The following NTM variants were observed in gnomAD, a reference collection of about 807,000 sequenced individuals.
NTM encodes the protein IgLON family member 2.
A neutral mutation model predicts 42.1 loss-of-function variants in NTM; 13 were observed. The ratio of observed to expected loss-of-function variants is 0.31; its 90% CI spans 0.20 to 0.49. NTM has a LOEUF of 0.49. Among genes scored for constraint, NTM ranks in the 20% least tolerant of loss-of-function variants. NTM has a pLI of 0.99. For synonymous variants in NTM, 187 were observed against 179.2 expected (o/e 1.04, Z -0.35); for missense variants, 373 against 452.8 (o/e 0.82, Z 1.60).
At chr11:132,305,080 G>T (rs190476331) in intron 4 of NTM, among the ~76,000 whole-genome samples, 3 of 152,330 alleles carry the variant, frequency 2.0e-5, no homozygotes, top group Admixed American at 2.0e-4. Context: ...GAAAACTGAT[G>T]AGTTCTCGAT....
chr11:131,672,125 C>T (rs754071834), intron 1 of NTM, among the ~76,000 whole-genome samples: 17 of 152,336 alleles, frequency 1.1e-4, no homozygotes, highest in Middle Eastern at 3.4e-3. Flanking sequence ...ACCATGGGTC[C>T]GGGAGGACCG....
chr11:132,006,481 A>C (rs879839273), intron 2 of NTM, among the ~76,000 whole-genome samples: 1 of 152,230 alleles, frequency 6.6e-6, no homozygotes, highest in Admixed American at 6.5e-5. Flanking sequence ...AAATAGATTA[A>C]AGGCTTTATT....
chr11:132,098,834 A>C (rs2061327173), intron 2 of NTM, among the ~76,000 whole-genome samples: 2 of 152,236 alleles, frequency 1.3e-5, no homozygotes, highest in Admixed American at 1.3e-4. Context: ...TTGGCCAGGC[A>C]CCCTTGTGCA....
intron 2 of NTM, among the ~76,000 whole-genome samples, chr11:132,069,869 G>A (rs1169349813): frequency 2.8e-5 from 4 of 144,990 alleles, no homozygotes; most frequent in African/African-American, 5.2e-5. Flanking sequence ...AAGTTAACAC[G>A]TCACACTGAC....
At chr11:131,881,560 A>G (rs1264550626) in intron 1 of NTM, among the ~76,000 whole-genome samples, 1 of 152,032 alleles carries the variant, frequency 6.6e-6, no homozygotes, top group African/African-American at 2.4e-5. Flanking sequence ...GGACACCAGC[A>G]TGCAAAACAC....
At chr11:132,196,474 A>G (rs1376267826) in intron 3 of NTM, among the ~76,000 whole-genome samples, 2 of 147,946 alleles carry the variant, frequency 1.4e-5, no homozygotes, top group Non-Finnish European at 3.0e-5. Flanking sequence ...TTGTCCCACT[A>G]AAAAAAAAAT....
intron 2 of NTM, among the ~76,000 whole-genome samples, chr11:131,994,950 T>C (rs1383527365): frequency 6.6e-6 from 1 of 152,216 alleles, no homozygotes; most frequent in Non-Finnish European, 1.5e-5. Context: ...CCTCATTGTT[T>C]GCAGTTTATT....
At chr11:131,654,583 T>G (rs1395736468) in intron 1 of NTM, among the ~76,000 whole-genome samples, 1 of 152,166 alleles carries the variant, frequency 6.6e-6, no homozygotes, top group East Asian at 1.9e-4. Flanking sequence ...CCCCCAAGGT[T>G]GGAGGTGAGG....
At chr11:131,614,276 G>A (rs1223807648) in intron 1 of NTM, among the ~76,000 whole-genome samples, 1 of 152,218 alleles carries the variant, frequency 6.6e-6, no homozygotes, top group African/African-American at 2.4e-5. Context: ...TGTGACCTGA[G>A]GAGGGAAGTG....
At chr11:132,136,623 T>C (rs1245412135) in intron 2 of NTM, among the ~76,000 whole-genome samples, 3 of 152,200 alleles carry the variant, frequency 2.0e-5, no homozygotes, top group Non-Finnish European at 4.4e-5. Flanking sequence ...TGCTGCCCAG[T>C]TCGCACACAT....
chr11:131,524,693 T>C (rs392041), intron 1 of NTM, among the ~76,000 whole-genome samples: 27,088 of 152,164 alleles, frequency 0.18, 2,467 homozygotes, highest in Middle Eastern at 0.23. Context: ...TGAGACGTAA[T>C]TTAGCAAATA....
chr11:131,547,676 T>C lies in NTM; in HGVS notation c.82+176788T>C, dbSNP rs1216667647. Among the ~76,000 whole-genome samples the C allele has an allele frequency of 3.3e-5, 5 of 152,294 alleles. No homozygotes were observed. The East Asian group carries it at 9.7e-4, about 29-fold the overall frequency. On this transcript the variant is annotated intron_variant, in intron 1 of 8. Coordinates refer to ENST00000683400, the MANE Select transcript of NTM (RefSeq NM_001352005.2). ...TGTTGGTATGAAGCCTTTTGAGATG[T>C]AAGATGGAGTTCTTTTCTAAGATGG... is the stretch of plus-strand genomic sequence containing the variant.
chr11:131,410,230 G>A (rs1946229356), intron 1 of NTM, among the ~76,000 whole-genome samples: 1 of 152,066 alleles, frequency 6.6e-6, no homozygotes. Context: ...GCTCACACCT[G>A]TATTCTCCGA....
At chr11:131,782,369 C>CAA (rs141768002) in intron 1 of NTM, among the ~76,000 whole-genome samples, 1 of 143,432 alleles carries the variant, frequency 7.0e-6, no homozygotes, top group African/African-American at 2.5e-5. Context: ...AATGTTTCCA[C>CAA]AAAAAAAAAC....
At chr11:131,810,203 C>T (rs1205669183) in intron 1 of NTM, among the ~76,000 whole-genome samples, 1 of 152,176 alleles carries the variant, frequency 6.6e-6, no homozygotes, top group East Asian at 1.9e-4. Context: ...TCCTACCTTT[C>T]TCCTCCACCT....
intron 2 of NTM, among the ~76,000 whole-genome samples, chr11:131,939,474 T>C (rs1343631989): frequency 6.6e-6 from 1 of 151,966 alleles, no homozygotes; most frequent in East Asian, 1.9e-4. Context: ...AAATAATTGG[T>C]GTGTGTGTGC....
intron 1 of NTM, among the ~76,000 whole-genome samples, chr11:131,638,908 T>C (rs2064782766): frequency 6.6e-6 from 1 of 152,240 alleles, no homozygotes; most frequent in East Asian, 1.9e-4. Context: ...ACAACAATAA[T>C]AGCTTAGACT....
intron 1 of NTM, among the ~76,000 whole-genome samples, chr11:131,805,962 T>C (rs1289902509): frequency 1.3e-5 from 2 of 152,250 alleles, no homozygotes; most frequent in Non-Finnish European, 2.9e-5. Context: ...ACGCTTTTGA[T>C]AAGGAATATA....
intron 1 of NTM, among the ~76,000 whole-genome samples, chr11:131,392,278 G>A (rs1944103434): frequency 6.7e-6 from 1 of 149,446 alleles, no homozygotes; most frequent in Admixed American, 6.6e-5. Context: ...GGAGTCCTGT[G>A]TGCAACCACA....
Sources: allele counts gnomAD v4.1 joint callset (sites outside exome capture counted in the v4.1 genomes callset), GRCh38; gene constraint gnomAD v4.1.1; transcripts MANE v1.5; gene names NCBI Gene and HGNC (gene_info 2026-07-23, HGNC 2026-07-21).